Variants in LCMT1 observed in about 807,000 individuals in gnomAD.
The protein encoded by LCMT1 is [Phosphatase 2A protein]-leucine-carboxy methyltransferase 1.
Under a neutral mutation model 47.7 loss-of-function variants are expected in LCMT1, and 32 were observed. The ratio of observed to expected loss-of-function variants is 0.67; its 90% CI spans 0.51 to 0.90. The LOEUF (loss-of-function observed/expected upper bound fraction) is 0.90, where lower values mean the gene tolerates loss of function less well. Ranked by LOEUF, LCMT1 falls within the 40% of genes least tolerant of loss-of-function variation. LCMT1 has a pLI of 0.00. For missense variants in LCMT1, 375 were observed against 415.2 expected (o/e 0.90, Z 0.84); for synonymous variants, 152 against 149.7 (o/e 1.02, Z -0.11).
Position 25,175,038 on chromosome 16 carries a change from C to A in LCMT1, c.982+4C>A. Reference sequence around the variant, plus strand: ...ACCAAAGGAGGAAATGAGCTTGGTGCGTGATTGTACTTTTCTTGCCTTGAC... The same window carrying A: ...ACCAAAGGAGGAAATGAGCTTGGTGAGTGATTGTACTTTTCTTGCCTTGAC... On this transcript the variant is annotated splice_donor_region_variant and intron_variant, in intron 10 of 10. Coordinates refer to ENST00000399069, the MANE Select transcript of LCMT1 (RefSeq NM_016309.3). 1 of 1,554,030 alleles carries A rather than the reference C, an allele frequency of 6.4e-7. No homozygotes were observed. The highest frequency in any genetic ancestry group is 8.9e-7 in the Non-Finnish European group (1 of 1,128,554).
At chr16:25,119,424 A>C (rs1034028891) in intron 1 of LCMT1, among the ~76,000 whole-genome samples, 9 of 152,092 alleles carry the variant, frequency 5.9e-5, no homozygotes, top group African/African-American at 9.7e-5. Flanking sequence ...CCTTTGCGCC[A>C]CATGAGCTGT....
At chr16:25,138,449 G>A (rs928038867) in intron 3 of LCMT1, among the ~76,000 whole-genome samples, 3 of 152,116 alleles carry the variant, frequency 2.0e-5, no homozygotes, top group Admixed American at 6.5e-5. Context: ...AGGATGATGT[G>A]TGCGTGACTG....
chr16:25,145,185 C>T (rs1411062312), intron 4 of LCMT1: 2 of 152,132 alleles, frequency 1.3e-5, no homozygotes, highest in African/African-American at 2.4e-5. Context: ...CAGAATGAAC[C>T]CCAGATATCG....
At chr16:25,158,002 A>G (rs1961311292) in intron 5 of LCMT1, among the ~76,000 whole-genome samples, 1 of 152,252 alleles carries the variant, frequency 6.6e-6, no homozygotes, top group Non-Finnish European at 1.5e-5. Context: ...TACACATAAA[A>G]TGAAATAAAA....
intron 2 of LCMT1, among the ~76,000 whole-genome samples, chr16:25,131,752 G>A (rs1960354363): frequency 6.6e-6 from 1 of 152,156 alleles, no homozygotes; most frequent in Non-Finnish European, 1.5e-5. Context: ...TTGGGCCACT[G>A]CAACCTCTGC....
intron 7 of LCMT1, 31 bp downstream of exon 7, chr16:25,164,749 A>G (rs375789087): frequency 2.7e-5 from 43 of 1,613,666 alleles, no homozygotes; most frequent in Non-Finnish European, 3.2e-5. Flanking sequence ...ACTGGATTCC[A>G]TACAGGATCG....
intron 6 of LCMT1, among the ~76,000 whole-genome samples, chr16:25,163,879 C>T (rs148965677): frequency 7.2e-4 from 110 of 152,240 alleles, no homozygotes; most frequent in African/African-American, 2.6e-3. Flanking sequence ...CTGGGCTTAG[C>T]TGGATGTTCT....
At chr16:25,166,981 A>G (rs754152923) in intron 7 of LCMT1, among the ~76,000 whole-genome samples, 4 of 152,168 alleles carry the variant, frequency 2.6e-5, no homozygotes, top group African/African-American at 9.6e-5. Context: ...CATACTCCAC[A>G]TGTTTTGGAT....
intron 4 of LCMT1, chr16:25,146,425 C>G (rs777312552): frequency 4.6e-5 from 7 of 152,368 alleles, no homozygotes; most frequent in Non-Finnish European, 1.0e-4. Context: ...AGGGCAGCCT[C>G]TCTTCCAGTG....
intron 6 of LCMT1, among the ~76,000 whole-genome samples, chr16:25,163,699 G>A (rs983120973): frequency 2.6e-5 from 4 of 152,166 alleles, no homozygotes; most frequent in African/African-American, 9.7e-5. Flanking sequence ...GTGCCGGGAA[G>A]CATCTGATAG....
intron 4 of LCMT1, chr16:25,143,558 C>T (rs1960760457): frequency 6.6e-6 from 1 of 152,094 alleles, no homozygotes; most frequent in African/African-American, 2.4e-5. Flanking sequence ...AAACCCTTGA[C>T]CCGTCCAGTA....
Position 25,161,231 on chromosome 16 carries a change from C to G in LCMT1, c.569+27C>G, listed in dbSNP as rs570906336. 5.4e-6 allele frequency: 7 copies of G among 1,286,968 alleles called. No individual in the cohort carries two copies. In the Admixed American group the frequency reaches 7.8e-5, roughly 14 times the overall value. 79.7% of individuals were successfully genotyped at this position (1,286,968 alleles called of 1,614,324 possible). A position where few individuals can be genotyped will look rare whatever the true frequency, so the allele number is the denominator to read the frequency against. ...TGAGATTTTTTTTTTTAAACCTCTT[C>G]TGCATTTGTGATTTTATGCTAATTA... On this transcript the variant is annotated intron_variant, in intron 6 of 10. Transcript: ENST00000399069.
At chr16:25,138,681 G>T (rs887209373) in intron 3 of LCMT1, among the ~76,000 whole-genome samples, 2 of 152,184 alleles carry the variant, frequency 1.3e-5, no homozygotes, top group African/African-American at 4.8e-5. Context: ...AAATGCTAGA[G>T]ACCTCATTTT....
At chr16:25,174,879 C>A in intron 9 of LCMT1, 58 bp from the exon 10 acceptor site, 1 of 833,806 alleles carries the variant, frequency 1.2e-6, no homozygotes, top group South Asian at 1.8e-5. Context: ...AGCTATGGGC[C>A]ATGATCTTCA....
chr16:25,134,606 G>A (rs969461713), intron 3 of LCMT1, among the ~76,000 whole-genome samples: 7 of 152,142 alleles, frequency 4.6e-5, no homozygotes, highest in Admixed American at 3.9e-4. Context: ...TTCCGTCATT[G>A]TTATTTTTGA....
intron 7 of LCMT1, among the ~76,000 whole-genome samples, chr16:25,168,010 G>A (rs1961636996): frequency 6.6e-6 from 1 of 151,720 alleles, no homozygotes; most frequent in African/African-American, 2.4e-5. Context: ...GCCCACCTCG[G>A]CCTCCCAAAG....
Position 25,169,195 on chromosome 16 carries a change from C to T in LCMT1, c.774C>T (p.Cys258=). 1 of 1,610,294 alleles carries T rather than the reference C, an allele frequency of 6.2e-7. No individual in the cohort carries two copies. Among genetic ancestry groups the T allele is most frequent in the Non-Finnish European group, 8.5e-7 (1 of 1,176,742 alleles). ...RQCDLAGVET[C]KSLESQKERL... ...GTGACCTGGCGGGAGTGGAGACCTG[C>T]AAGTCATTAGAGTCACAGGTCAGAG... is the stretch of plus-strand genomic sequence containing the variant. The change falls in exon 8 of 11, where the codon TGC becomes TGT. Residue 258 remains cysteine, a synonymous_variant. Coordinates refer to ENST00000399069, the MANE Select transcript of LCMT1 (RefSeq NM_016309.3).
At chr16:25,155,885 T>C (rs1961241137) in intron 5 of LCMT1, among the ~76,000 whole-genome samples, 1 of 152,180 alleles carries the variant, frequency 6.6e-6, no homozygotes, top group Non-Finnish European at 1.5e-5. Context: ...TCTCGCTATG[T>C]TGCTCAGGTT....
At chr16:25,169,773 A>T (rs1421744202) in intron 8 of LCMT1, among the ~76,000 whole-genome samples, 1 of 151,788 alleles carries the variant, frequency 6.6e-6, no homozygotes, top group Non-Finnish European at 1.5e-5. Flanking sequence ...TTTATAGTTG[A>T]TGTGTTTGAA....
Sources: gnomAD v4.1 joint callset for allele counts (sites outside exome capture counted in the v4.1 genomes callset) on GRCh38, gnomAD v4.1.1 for gene constraint, MANE v1.5 for transcripts, NCBI Gene and HGNC (gene_info 2026-07-23, HGNC 2026-07-21) for gene names.